Variants in TMTC1 observed in about 807,000 individuals in gnomAD.
TMTC1 encodes the protein protein O-mannosyl-transferase TMTC1.
TMTC1 carries 73 observed loss-of-function variants against 104.8 expected under a neutral mutation model. The ratio of observed to expected loss-of-function variants is 0.70; its 90% CI spans 0.58 to 0.85. The LOEUF (loss-of-function observed/expected upper bound fraction) is 0.85, where lower values mean the gene tolerates loss of function less well. Ranked by LOEUF, TMTC1 falls within the 40% of genes least tolerant of loss-of-function variation. The probability of loss-of-function intolerance (pLI) is 0.00; values close to 1 mark genes in which losing one functional copy is unlikely to be tolerated. For synonymous variants in TMTC1, 434 were observed against 428.7 expected, an observed-to-expected ratio of 1.01 and a Z score of -0.15; for missense variants, 1,035 against 1,096.1, an observed-to-expected ratio of 0.94 and a Z score of 0.79.
chr12:29,518,683 G>A, intron 12 of TMTC1, 76 bp from the exon 13 acceptor site: 1 of 1,523,098 alleles, frequency 6.6e-7, no homozygotes, highest in South Asian at 1.3e-5. Flanking sequence ...TTTCTCTTCT[G>A]ACTTATAATT....
chr12:29,767,857 C>CACAT (rs35329854), intron 2 of TMTC1, 41 bp downstream of exon 2: 643,593 of 1,577,692 alleles, frequency 0.41, 135,811 homozygotes, highest in Admixed American at 0.6. Flanking sequence ...TACATACACA[C>CACAT]ATTCATATTC....
At chr12:29,604,336 G>T in intron 6 of TMTC1, 37 bp from the exon 7 acceptor site, 1 of 1,611,890 alleles carries the variant, frequency 6.2e-7, no homozygotes, top group Non-Finnish European at 8.5e-7. Flanking sequence ...ATTAACTTCT[G>T]TTGAATTCCA....
chr12:29,705,417 A>G (rs1941712710), intron 5 of TMTC1, among the ~76,000 whole-genome samples: 1 of 152,250 alleles, frequency 6.6e-6, no homozygotes. Context: ...CTTTGGTAAG[A>G]GAAATTTACA....
At chr12:29,633,704 A>G (rs1445157344) in intron 5 of TMTC1, among the ~76,000 whole-genome samples, 3 of 152,208 alleles carry the variant, frequency 2.0e-5, no homozygotes, top group Non-Finnish European at 4.4e-5. Context: ...ATTCTGCAGT[A>G]GATTTGAAAA....
chr12:29,586,281 A>G (rs1423512763), intron 7 of TMTC1, among the ~76,000 whole-genome samples: 5 of 152,080 alleles, frequency 3.3e-5, no homozygotes, highest in Admixed American at 2.6e-4. Flanking sequence ...TTGTACATTG[A>G]TTTTGTATCC....
chr12:29,565,619 G>T (rs1286165542), intron 9 of TMTC1, among the ~76,000 whole-genome samples: 1 of 152,180 alleles, frequency 6.6e-6, no homozygotes, highest in Non-Finnish European at 1.5e-5. Context: ...GGTCAAGATG[G>T]GTGGATCACA....
chr12:29,741,240 A>G (rs1455444218), intron 5 of TMTC1, among the ~76,000 whole-genome samples: 6 of 152,232 alleles, frequency 3.9e-5, no homozygotes, highest in Admixed American at 2.0e-4. Context: ...AGGAAAAGAG[A>G]AAAATGACAA....
intron 10 of TMTC1, among the ~76,000 whole-genome samples, chr12:29,555,673 C>T (rs199627198): frequency 6.6e-6 from 1 of 152,172 alleles, no homozygotes; most frequent in Non-Finnish European, 1.5e-5. Context: ...TTTATGGCTG[C>T]ATAGTATTCC....
intron 5 of TMTC1, among the ~76,000 whole-genome samples, chr12:29,662,292 A>C (rs1940066490): frequency 6.6e-6 from 1 of 152,340 alleles, no homozygotes; most frequent in Middle Eastern, 3.4e-3. Context: ...CTATAAGGTA[A>C]GAAATCCTTT....
intron 5 of TMTC1, among the ~76,000 whole-genome samples, chr12:29,692,061 C>T (rs1941284272): frequency 6.9e-6 from 1 of 145,524 alleles, no homozygotes; most frequent in East Asian, 2.3e-4. Flanking sequence ...CCTCAGTAGA[C>T]ATTGTCATTA....
At chr12:29,512,817 CTCACCACTGAGTCTCAAGTGG>C (rs1943877511) in intron 16 of TMTC1, among the ~76,000 whole-genome samples, 1 of 152,124 alleles carries the variant, frequency 6.6e-6, no homozygotes, top group Non-Finnish European at 1.5e-5. Flanking sequence ...CAAAGGTGTG[CTCACCACTGAGTCTCAAGTGG>C]TCACCTGAAA....
At chr12:29,527,543 T>C (rs2136179583) in intron 11 of TMTC1, among the ~76,000 whole-genome samples, 1 of 152,368 alleles carries the variant, frequency 6.6e-6, no homozygotes, top group Admixed American at 6.5e-5. Flanking sequence ...CTTCAGTGGC[T>C]GTGTAACACA....
intron 5 of TMTC1, chr12:29,641,107 AG>A (rs1938826803): frequency 1.3e-5 from 2 of 152,202 alleles, no homozygotes; most frequent in South Asian, 4.1e-4. Flanking sequence ...GGAGGGTCTG[AG>A]CTCAGATATG....
intron 6 of TMTC1, among the ~76,000 whole-genome samples, chr12:29,620,992 G>A (rs769111972): frequency 6.6e-6 from 1 of 152,194 alleles, no homozygotes; most frequent in Non-Finnish European, 1.5e-5. Context: ...GTGGTCTCCA[G>A]GCAGAACAAG....
At chr12:29,728,606 G>A (rs1440654531) in intron 5 of TMTC1, among the ~76,000 whole-genome samples, 1 of 152,066 alleles carries the variant, frequency 6.6e-6, no homozygotes, top group Non-Finnish European at 1.5e-5. Flanking sequence ...GCAGCATTTG[G>A]TAGAAACGCT....
chr12:29,726,024 A>AG (rs1316676708), intron 5 of TMTC1, among the ~76,000 whole-genome samples: 1 of 152,208 alleles, frequency 6.6e-6, no homozygotes, highest in Non-Finnish European at 1.5e-5. Context: ...GAGCCACCTA[A>AG]GCCCAGGATT....
intron 5 of TMTC1, among the ~76,000 whole-genome samples, chr12:29,670,104 T>TGTA (rs2136676297): frequency 6.6e-6 from 1 of 152,352 alleles, no homozygotes; most frequent in East Asian, 1.9e-4. Context: ...GCAATACACA[T>TGTA]TTGTGTAAGT....
chr12:29,607,458 A>G (rs553991886), intron 6 of TMTC1, among the ~76,000 whole-genome samples: 1 of 152,324 alleles, frequency 6.6e-6, no homozygotes, highest in South Asian at 2.1e-4. Flanking sequence ...TGGGCTTGAA[A>G]TATCAATAAA....
At chr12:29,713,219 G>T (rs867786894) in intron 5 of TMTC1, among the ~76,000 whole-genome samples, 1 of 151,786 alleles carries the variant, frequency 6.6e-6, no homozygotes, top group Middle Eastern at 3.4e-3. Flanking sequence ...CAGCCTGCAA[G>T]TCTGCCCTGC....
Sources: gnomAD v4.1 joint callset for allele counts (sites outside exome capture counted in the v4.1 genomes callset) on GRCh38, gnomAD v4.1.1 for gene constraint, MANE v1.5 for transcripts, NCBI Gene and HGNC (gene_info 2026-07-23, HGNC 2026-07-21) for gene names.